The following TENM3 variants were observed in gnomAD, a reference collection of about 807,000 sequenced individuals.
TENM3 encodes teneurin transmembrane protein 3, also known as teneurin-3.
Under a neutral mutation model 255.1 loss-of-function variants are expected in TENM3, and 63 were observed. The observed-to-expected ratio is 0.25, with a 90% CI of 0.20 to 0.30. The LOEUF (loss-of-function observed/expected upper bound fraction) is 0.30. Ranked by LOEUF, TENM3 falls within the 10% of genes least tolerant of loss-of-function variation. The pLI is 1.00. For synonymous variants in TENM3, 1,306 were observed against 1,322.3 expected, an observed-to-expected ratio of 0.99 and a Z score of 0.27; for missense variants, 2,929 against 3,461.1, an observed-to-expected ratio of 0.85 and a Z score of 3.86.
the TENM3 span, among the ~76,000 whole-genome samples, chr4:181,672,242 A>G: frequency 6.6e-6 from 1 of 152,206 alleles, no homozygotes; most frequent in South Asian, 2.1e-4. Context: ...TCTGTGAAAT[A>G]GAGAATAATA....
the TENM3 span, chr4:181,906,530 T>A: frequency 1.3e-5 from 2 of 152,348 alleles, no homozygotes; most frequent in Non-Finnish European, 2.9e-5. Context: ...CCTTTTGAGA[T>A]GAGAAACCAG....
In TENM3 at chr4:182,792,530, A is replaced by C; in HGVS notation, c.5858A>C (p.Gln1953Pro). 1 of 1,614,080 alleles carries C rather than the reference A, an allele frequency of 6.2e-7. No individual in the cohort carries two copies. The highest frequency in any genetic ancestry group is 1.1e-5 in the South Asian group (1 of 91,092). Residue 1953 changes from glutamine (Q) to proline (P), a missense_variant, in exon 26 of 28, where the codon CAG becomes CCG. By Grantham distance (76) the Gln-to-Pro change is moderately conservative. Transcript: ENST00000511685. This position sits in a 1 kb window ranked among gnomAD's most constrained non-coding sequence, Gnocchi z 6.3. The stretch of plus-strand genomic sequence containing the variant: ...AGGGTCTTATTCAAATACAGAAGGC[A>C]GACTAGGCTCTCAGAAATTTTATAT... ...SRRVLFKYRR[Q>P]TRLSEILYDS...
the TENM3 span, among the ~76,000 whole-genome samples, chr4:182,075,254 A>G: frequency 7.2e-6 from 1 of 138,196 alleles, no homozygotes; most frequent in African/African-American, 2.8e-5. Context: ...GCTGGAGTGC[A>G]GTGATGCAGT....
At chr4:182,454,765 G>T (rs1184424555) in intron 3 of TENM3, among the ~76,000 whole-genome samples, 1 of 152,046 alleles carries the variant, frequency 6.6e-6, no homozygotes, top group African/African-American at 2.4e-5. Flanking sequence ...CAATAAAATG[G>T]CATTCTTGCT....
intron 1 of TENM3, among the ~76,000 whole-genome samples, chr4:182,221,081 C>A (rs1298738099): frequency 6.6e-6 from 1 of 152,124 alleles, no homozygotes; most frequent in Admixed American, 6.5e-5. Flanking sequence ...TGCTTAAGTA[C>A]CTTAGCTCAA....
the TENM3 span, among the ~76,000 whole-genome samples, chr4:181,669,243 A>G: frequency 6.6e-6 from 1 of 152,210 alleles, no homozygotes; most frequent in African/African-American, 2.4e-5. Flanking sequence ...AATTCATTAC[A>G]TACTAATGCA....
intron 3 of TENM3, among the ~76,000 whole-genome samples, chr4:182,361,448 T>A (rs955088708): frequency 1.3e-5 from 2 of 152,210 alleles, no homozygotes; most frequent in Admixed American, 1.3e-4. Flanking sequence ...TAAACTTCCC[T>A]TCTTGCTTCA....
chr4:182,772,260 C>T (rs1443991401), intron 22 of TENM3, among the ~76,000 whole-genome samples: 2 of 152,170 alleles, frequency 1.3e-5, no homozygotes, highest in Non-Finnish European at 2.9e-5. Flanking sequence ...CTTTTATTCC[C>T]AAATATCACT....
chr4:182,123,991 T>C, the TENM3 span, among the ~76,000 whole-genome samples: 3 of 152,168 alleles, frequency 2.0e-5, no homozygotes, highest in Admixed American at 2.0e-4. Flanking sequence ...CAGAAGGAGT[T>C]AATTTTAGAG....
the TENM3 span, among the ~76,000 whole-genome samples, chr4:182,001,742 A>T: frequency 6.6e-6 from 1 of 152,148 alleles, no homozygotes. Flanking sequence ...ATGTTGGCAC[A>T]TATATTTAGA....
chr4:181,980,267 G>A, the TENM3 span: 1 of 152,156 alleles, frequency 6.6e-6, no homozygotes, highest in Non-Finnish European at 1.5e-5. Flanking sequence ...AGCCTTCTGA[G>A]TGCAAAGGTT....
chr4:181,989,838 C>A, the TENM3 span, among the ~76,000 whole-genome samples: 1 of 152,042 alleles, frequency 6.6e-6, no homozygotes, highest in Non-Finnish European at 1.5e-5. Flanking sequence ...CTATAAGTGA[C>A]TGGAATAATT....
Position 182,601,124 on chromosome 4 carries a change from A to T in TENM3, c.712A>T (p.Ser238Cys). The change falls in exon 4 of 28, where the codon AGC becomes TGC. Residue 238 changes from serine to cysteine, a missense_variant. Physicochemically the swap from Ser to Cys is moderately radical, Grantham distance 112. This residue lies in a region of TENM3 where 1,608 missense variants were observed against 1,884.4 expected (regional missense o/e 0.85). Coordinates refer to ENST00000511685, the MANE Select transcript of TENM3 (RefSeq NM_001080477.4). ...TTPESVQLQD[S>C]WVLGSNVPLE... ...ACCCGAGTCCGTCCAGCTGCAGGACAGCTGGGTCCTTGGCAGTAATGTACC... is the reference window on the plus strand; with the variant it reads ...ACCCGAGTCCGTCCAGCTGCAGGACTGCTGGGTCCTTGGCAGTAATGTACC... The T allele has an allele frequency of 6.2e-7, 1 of 1,613,886 alleles. No homozygotes were observed. The highest frequency in any genetic ancestry group is 8.5e-7 in the Non-Finnish European group (1 of 1,179,864).
intron 3 of TENM3, among the ~76,000 whole-genome samples, chr4:182,402,370 G>C (rs1769269500): frequency 6.6e-6 from 1 of 152,158 alleles, no homozygotes; most frequent in African/African-American, 2.4e-5. Flanking sequence ...CGCTCCACAT[G>C]CCTCAAAATC....
chr4:181,609,718 G>C, the TENM3 span, among the ~76,000 whole-genome samples: 1 of 152,162 alleles, frequency 6.6e-6, no homozygotes, highest in South Asian at 2.1e-4. Context: ...CACACAATGG[G>C]CTCTCTAATG....
the TENM3 span, among the ~76,000 whole-genome samples, chr4:181,739,233 G>A: frequency 6.6e-6 from 1 of 152,110 alleles, no homozygotes; most frequent in Non-Finnish European, 1.5e-5. Context: ...AATGATGTTG[G>A]CAATGAAACA....
intron 2 of TENM3, among the ~76,000 whole-genome samples, chr4:182,330,674 C>T (rs765720288): frequency 6.6e-6 from 1 of 152,136 alleles, no homozygotes; most frequent in Non-Finnish European, 1.5e-5. Context: ...GTACACACAC[C>T]GTCTAAGGAA....
At chr4:181,590,944 T>G in the TENM3 span, among the ~76,000 whole-genome samples, 1 of 152,322 alleles carries the variant, frequency 6.6e-6, no homozygotes. Context: ...CTATGATGTC[T>G]AAAACATTTT....
At chr4:182,125,879 C>G in the TENM3 span, among the ~76,000 whole-genome samples, 1 of 150,376 alleles carries the variant, frequency 6.6e-6, no homozygotes, top group Non-Finnish European at 1.5e-5. Flanking sequence ...TTGCTGGTAG[C>G]AAAATATGAC....
Sources: gnomAD v4.1 joint callset for allele counts (sites outside exome capture counted in the v4.1 genomes callset) on GRCh38, gnomAD v4.1.1 for gene constraint, gnomAD v4.1.1 regional missense constraint, Gnocchi (gnomAD v3.1) non-coding constraint, MANE v1.5 for transcripts, NCBI Gene and HGNC (gene_info 2026-07-23, HGNC 2026-07-21) for gene names.